SDK1: variants seen among roughly 807,000 people sequenced by gnomAD.
The protein encoded by SDK1 is protein sidekick-1.
In SDK1, 157 loss-of-function variants were observed where a neutral mutation model predicts 245.5. The observed-to-expected ratio is 0.64, with a 90% CI of 0.56 to 0.73. SDK1 has a LOEUF of 0.73. Among genes scored for constraint, SDK1 ranks in the 30% least tolerant of loss-of-function variants. The pLI, the probability that SDK1 is intolerant of heterozygous loss-of-function variation, is 0.00. For synonymous variants in SDK1, 1,647 were observed against 1,278.5 expected (o/e 1.29, Z -6.15); for missense variants, 3,583 against 3,002.3 (o/e 1.19, Z -4.52).
chr7:3,755,529 C>A (rs1779896623), intron 4 of SDK1, among the ~76,000 whole-genome samples: 1 of 152,138 alleles, frequency 6.6e-6, no homozygotes, highest in Non-Finnish European at 1.5e-5. Flanking sequence ...GATATTTGGA[C>A]AGAATACTTA....
In SDK1 at chr7:4,041,899, C is replaced by T. The variant is rs1317779282; in HGVS notation, c.2603-7449C>T. 5.3e-5 allele frequency among the ~76,000 whole-genome samples: 7 copies of T among 131,680 alleles called. 1 individual carries two copies. Among genetic ancestry groups the T allele is most frequent in the Admixed American group, 4.9e-4 (7 of 14,294 alleles). The allele number at this position is 131,680 out of a possible 152,430, so 86.4% of individuals were successfully genotyped here. On this transcript the variant is annotated intron_variant, in intron 17 of 44. Coordinates refer to ENST00000404826, the MANE Select transcript of SDK1 (RefSeq NM_152744.4). ...TGAGATCTCGGCTCACTGCAACCTCCGCCTCCCAGGTTCGAGCAATACTCC... is the reference window on the plus strand; with the variant it reads ...TGAGATCTCGGCTCACTGCAACCTCTGCCTCCCAGGTTCGAGCAATACTCC...
intron 1 of SDK1, among the ~76,000 whole-genome samples, chr7:3,357,053 GAAAAAA>G (rs35467524): frequency 3.7e-5 from 3 of 81,288 alleles, no homozygotes; most frequent in East Asian, 4.1e-4. Context: ...AGACTCTCTC[GAAAAAA>G]AAAAAAAAAA....
Position 3,475,247 on chromosome 7 carries a change from C to T in SDK1, c.299-143833C>T, listed in dbSNP as rs149779403. On this transcript the variant is annotated intron_variant, in intron 1 of 44. Transcript: ENST00000404826. Reference sequence around the variant, plus strand: ...CACTTGCTTCTTGTTGTCTTCAAGGCCTGGCCCTTCCTTGGATACTTGTTC... The same window carrying T: ...CACTTGCTTCTTGTTGTCTTCAAGGTCTGGCCCTTCCTTGGATACTTGTTC... Among the ~76,000 whole-genome samples, 12 of 152,332 alleles carry T rather than the reference C, an allele frequency of 7.9e-5. No homozygotes were observed. The East Asian group carries it at 2.3e-3, about 29-fold the overall frequency.
intron 1 of SDK1, among the ~76,000 whole-genome samples, chr7:3,501,369 C>G (rs1282344090): frequency 7.7e-6 from 1 of 129,732 alleles, no homozygotes; most frequent in African/African-American, 3.2e-5. Flanking sequence ...GCTAGGGAAT[C>G]AGGAAAAAGA....
At chr7:3,894,279 G>A (rs1379996159) in intron 5 of SDK1, among the ~76,000 whole-genome samples, 1 of 152,086 alleles carries the variant, frequency 6.6e-6, no homozygotes, top group Non-Finnish European at 1.5e-5. Context: ...AATGTGCATG[G>A]CTCCTGCTAA....
At chr7:4,258,014 C>T (rs554505374) in intron 44 of SDK1, among the ~76,000 whole-genome samples, 3 of 152,306 alleles carry the variant, frequency 2.0e-5, no homozygotes, top group South Asian at 4.1e-4. Flanking sequence ...GCGAGTTGGA[C>T]GACCAAGCAC....
At chr7:3,961,115 G>C (rs527527435) in intron 8 of SDK1, among the ~76,000 whole-genome samples, 2 of 152,220 alleles carry the variant, frequency 1.3e-5, no homozygotes, top group African/African-American at 2.4e-5. Flanking sequence ...CAAATATAGA[G>C]ACAACAGATC....
chr7:4,021,167 C>G (rs1786860962), intron 17 of SDK1, among the ~76,000 whole-genome samples: 2 of 152,142 alleles, frequency 1.3e-5, no homozygotes, highest in Non-Finnish European at 2.9e-5. Flanking sequence ...TGTCATCATC[C>G]TTGGGGACCT....
At chr7:4,039,158 G>A (rs536503981) in intron 17 of SDK1, among the ~76,000 whole-genome samples, 6 of 146,578 alleles carry the variant, frequency 4.1e-5, no homozygotes, top group East Asian at 2.0e-4. Flanking sequence ...GTTGTGGGGT[G>A]GGGGGAGCGG....
chr7:3,974,670 G>A (rs1009225890), intron 13 of SDK1, 125 bp downstream of exon 13: 2 of 800,140 alleles, frequency 2.5e-6, no homozygotes, highest in South Asian at 1.8e-5. Context: ...TCAGAGGCCA[G>A]CGCATCATGC....
chr7:3,330,339 C>G (rs2128550644), intron 1 of SDK1, among the ~76,000 whole-genome samples: 1 of 152,186 alleles, frequency 6.6e-6, no homozygotes, highest in East Asian at 1.9e-4. Flanking sequence ...ACTTATTTTC[C>G]TTTTTTAAAA....
rs762875257 is a variant in SDK1, at chr7:4,158,564, G to C, written c.4729+13G>C. On this transcript the variant is annotated intron_variant, in intron 31 of 44. Coordinates refer to ENST00000404826, the MANE Select transcript of SDK1 (RefSeq NM_152744.4). ...ACGCTGCAGGATGGTGAGCAACCCG[G>C]GGCCCAGACCGCGTTCCTGGCCGCT... The C allele has an allele frequency of 5.2e-5, 83 of 1,597,028 alleles. No individual in the cohort carries two copies. The highest frequency in any genetic ancestry group is 6.6e-5 in the Non-Finnish European group (77 of 1,165,670).
chr7:3,448,286 T>C lies in SDK1; in HGVS notation c.298+146402T>C, dbSNP rs1583872276. Among the ~76,000 whole-genome samples, 3 of 152,188 alleles carry C rather than the reference T, an allele frequency of 2.0e-5. No individual in the cohort carries two copies. In the South Asian group the frequency reaches 6.2e-4, roughly 31 times the overall value. ...GGTGAAGTTGAACGGCTTATGTTTA[T>C]TGGCCATTTCAGTTTTGTCTTGTGT... is the stretch of plus-strand genomic sequence containing the variant. On this transcript the variant is annotated intron_variant, in intron 1 of 44. Coordinates refer to ENST00000404826, the MANE Select transcript of SDK1 (RefSeq NM_152744.4).
intron 40 of SDK1, among the ~76,000 whole-genome samples, chr7:4,231,039 G>A (rs918784431): frequency 1.3e-5 from 2 of 152,120 alleles, no homozygotes; most frequent in Non-Finnish European, 1.5e-5. Flanking sequence ...TCCAGGTCCA[G>A]AGGAGGCCTG....
chr7:4,252,950 T>G (rs1332256742), intron 44 of SDK1, among the ~76,000 whole-genome samples: 1 of 152,094 alleles, frequency 6.6e-6, no homozygotes, highest in Non-Finnish European at 1.5e-5. Context: ...TACAGTTGTT[T>G]ATAATCCTTC....
chr7:4,009,588 C>A (rs2128148348), intron 14 of SDK1, among the ~76,000 whole-genome samples: 1 of 152,350 alleles, frequency 6.6e-6, no homozygotes. Flanking sequence ...AATCAAAAGC[C>A]AAGAACGCTG....
chr7:3,449,254 C>G (rs1046437733), intron 1 of SDK1, among the ~76,000 whole-genome samples: 39 of 152,176 alleles, frequency 2.6e-4, no homozygotes, highest in African/African-American at 9.4e-4. Context: ...CGATTTCACA[C>G]TTTTATTTTG....
intron 4 of SDK1, among the ~76,000 whole-genome samples, chr7:3,705,930 A>C (rs377464943): frequency 3.3e-5 from 5 of 152,228 alleles, no homozygotes; most frequent in African/African-American, 1.2e-4. Context: ...TTTTATTTTG[A>C]GGTAAGTCCC....
chr7:3,514,098 G>A (rs538932937), intron 1 of SDK1, among the ~76,000 whole-genome samples: 55 of 152,240 alleles, frequency 3.6e-4, no homozygotes, highest in African/African-American at 1.3e-3. Flanking sequence ...TATTTCAGAA[G>A]TAAGGAAAGA....
Sources: gnomAD v4.1 joint callset for allele counts (sites outside exome capture counted in the v4.1 genomes callset) on GRCh38, gnomAD v4.1.1 for gene constraint, MANE v1.5 for transcripts, NCBI Gene and HGNC (gene_info 2026-07-23, HGNC 2026-07-21) for gene names.